The following MIPEP variants were observed in gnomAD, a reference collection of about 807,000 sequenced individuals.
MIPEP encodes mitochondrial intermediate peptidase.
In MIPEP, 79 loss-of-function variants were observed where a neutral mutation model predicts 90.3. That is an observed-to-expected ratio of 0.87 (90% CI 0.73 to 1.05). MIPEP has a LOEUF of 1.05. MIPEP is among the 50% of genes least tolerant of loss of function. MIPEP has a pLI of 0.00. For missense variants in MIPEP, 940 were observed against 905.6 expected (o/e 1.04, Z -0.49); for synonymous variants, 334 against 315.8 (o/e 1.06, Z -0.61).
rs532461699 is a variant in MIPEP, at chr13:23,869,521, A to T, written c.787-73T>A. 3.0e-6 allele frequency: 4 copies of T among 1,323,236 alleles called. No homozygotes were observed. The Admixed American group carries it at 7.9e-5, about 26-fold the overall frequency. 82.0% of individuals were successfully genotyped at this position (1,323,236 alleles called of 1,614,324 possible). A position where few individuals can be genotyped will look rare whatever the true frequency, so the allele number is the denominator to read the frequency against. Reference sequence around the variant, plus strand: ...TCCTATGCAACAATAACACAGGCTCATGCTCACCACTTGATCTGCAGATGA... The same window carrying T: ...TCCTATGCAACAATAACACAGGCTCTTGCTCACCACTTGATCTGCAGATGA... On this transcript the variant is annotated intron_variant, in intron 6 of 18. Coordinates refer to ENST00000382172, the MANE Select transcript of MIPEP (RefSeq NM_005932.4).
Position 23,736,636 on chromosome 13 carries a change from C to T in MIPEP, c.2045-6191G>A, listed in dbSNP as rs980102930. On this transcript the variant is annotated intron_variant, in intron 18 of 18. Transcript: ENST00000382172. ...CTGCGGCTTTCCAGTCCTCTTCTTC[C>T]GAGTGACTGCAGACATACAGCTGGA... Among the ~76,000 whole-genome samples, 3 of 152,116 alleles carry T rather than the reference C, an allele frequency of 2.0e-5. No homozygotes were observed. The East Asian group carries it at 5.8e-4, about 29-fold the overall frequency.
At chr13:23,783,946 A>G (rs1052484417) in intron 16 of MIPEP, among the ~76,000 whole-genome samples, 11 of 152,204 alleles carry the variant, frequency 7.2e-5, no homozygotes, top group Admixed American at 5.9e-4. Context: ...TCGAGGAAAT[A>G]AAAGAGGATA....
At chr13:23,844,978 C>G (rs1869468469) in intron 10 of MIPEP, among the ~76,000 whole-genome samples, 2 of 152,158 alleles carry the variant, frequency 1.3e-5, no homozygotes, top group South Asian at 2.1e-4. Context: ...TGTCTTGTCC[C>G]CTGGCTCACT....
At chr13:23,770,176 T>A (rs1952633594) in intron 16 of MIPEP, among the ~76,000 whole-genome samples, 1 of 152,186 alleles carries the variant, frequency 6.6e-6, no homozygotes, top group African/African-American at 2.4e-5. Context: ...AGCAGAACCC[T>A]GGAATGGCTT....
intron 18 of MIPEP, among the ~76,000 whole-genome samples, chr13:23,741,785 A>G (rs1305035209): frequency 6.6e-6 from 1 of 152,064 alleles, no homozygotes; most frequent in Non-Finnish European, 1.5e-5. Context: ...TTACCTATAT[A>G]ACAAACCTGC....
intron 18 of MIPEP, among the ~76,000 whole-genome samples, chr13:23,751,835 A>G (rs1952444615): frequency 2.0e-5 from 3 of 152,094 alleles, no homozygotes; most frequent in Non-Finnish European, 2.9e-5. Flanking sequence ...AGTCTAAAGG[A>G]GCTCACAGGA....
intron 16 of MIPEP, among the ~76,000 whole-genome samples, chr13:23,797,001 GT>G (rs1221269307): frequency 1.3e-5 from 2 of 152,218 alleles, no homozygotes; most frequent in African/African-American, 4.8e-5. Flanking sequence ...TACAGCCAAT[GT>G]AACCCTAAAA....
rs1362179989 is a variant in MIPEP at position 23,824,659 on chromosome 13, A to T, written c.1653+11581T>A. 2.0e-5 allele frequency among the ~76,000 whole-genome samples: 3 copies of T among 152,224 alleles called. No individual in the cohort carries two copies. The East Asian group carries it at 5.8e-4, about 29-fold the overall frequency. On this transcript the variant is annotated intron_variant, in intron 14 of 18. Transcript: ENST00000382172. ...TATAATGGAAAAACAACTGGATTGC[A>T]TGTCTCAACTAGCTTGTTTTGATAT...
Position 23,889,256 on chromosome 13 carries a change from G to GC in MIPEP, c.64dup (p.Ala22GlyfsTer49). On this transcript the variant is annotated frameshift_variant, in exon 1 of 19. Transcript: ENST00000382172. LOFTEE classifies it high-confidence loss of function. ...CCCGGCTTCGAGGCTTCCCCGGCCC[G>GC]CCCGGCGGGGCGGCAGAGCTGCTGC... 1 of 1,386,292 alleles carries GC rather than the reference G, an allele frequency of 7.2e-7. No homozygotes were observed. Among genetic ancestry groups the GC allele is most frequent in the East Asian group, 3.1e-5 (1 of 32,528 alleles). The allele number at this position is 1,386,292 out of a possible 1,614,324, so 85.9% of individuals were successfully genotyped here. A position where few individuals can be genotyped will look rare whatever the true frequency, so the allele number is the denominator to read the frequency against.
At chr13:23,863,417 G>C (rs1027503674) in intron 8 of MIPEP, among the ~76,000 whole-genome samples, 1 of 150,854 alleles carries the variant, frequency 6.6e-6, no homozygotes, top group African/African-American at 2.4e-5. Context: ...AATTCCACAT[G>C]TGATGTCATG....
At chr13:23,841,618 T>A in intron 10 of MIPEP, 130 bp from the exon 11 acceptor site, 1 of 1,012,530 alleles carries the variant, frequency 9.9e-7, no homozygotes, top group Non-Finnish European at 1.4e-6. Flanking sequence ...AAAAGTGTAT[T>A]TATATCATTT....
intron 12 of MIPEP, 58 bp downstream of exon 12, chr13:23,839,591 C>T: frequency 7.1e-6 from 8 of 1,130,870 alleles, no homozygotes; most frequent in Non-Finnish European, 1.0e-5. Context: ...AAGTTCACAT[C>T]AATACAAATG....
At position 23,875,027 on chromosome 13, in the gene MIPEP, AAC is replaced by A. The variant is rs10595689; in HGVS notation, c.540-120_540-119del. 0.032 allele frequency: 12,737 copies of A among 400,750 alleles called. 197 individuals are homozygous for A. Among genetic ancestry groups the A allele is most frequent in the African/African-American group, 0.09 (4,202 of 46,918 alleles). 24.8% of individuals were successfully genotyped at this position (400,750 alleles called of 1,614,324 possible). On this transcript the variant is annotated intron_variant, in intron 4 of 18. Coordinates refer to ENST00000382172, the MANE Select transcript of MIPEP (RefSeq NM_005932.4). ...GCCTCACTGCCAAAAGTTTCTTCAAAACACACACACACACACACACACACACA... is the reference window on the plus strand; with the variant it reads ...GCCTCACTGCCAAAAGTTTCTTCAAAACACACACACACACACACACACACA...
intron 18 of MIPEP, among the ~76,000 whole-genome samples, chr13:23,734,480 A>G (rs1415488293): frequency 1.3e-5 from 2 of 152,206 alleles, no homozygotes; most frequent in Non-Finnish European, 2.9e-5. Context: ...GCCTTTAATA[A>G]TTGAGTAAGG....
chr13:23,751,464 T>C (rs1240012237), intron 18 of MIPEP, among the ~76,000 whole-genome samples: 1 of 152,258 alleles, frequency 6.6e-6, no homozygotes, highest in African/African-American at 2.4e-5. Flanking sequence ...TTTCTTTCCA[T>C]CTGATCTGAT....
intron 14 of MIPEP, among the ~76,000 whole-genome samples, chr13:23,814,578 T>C (rs374249562): frequency 2.2e-4 from 34 of 152,260 alleles, no homozygotes; most frequent in African/African-American, 7.9e-4. Context: ...TATTAAAAAT[T>C]AAAAAGAATC....
chr13:23,824,724 A>G (rs1030429954), intron 14 of MIPEP, among the ~76,000 whole-genome samples: 8 of 152,222 alleles, frequency 5.3e-5, no homozygotes, highest in African/African-American at 1.9e-4. Context: ...TAAAATAAAA[A>G]TGTTGGCTAG....
chr13:23,762,301 A>G (rs567485834), intron 16 of MIPEP, among the ~76,000 whole-genome samples: 52 of 152,334 alleles, frequency 3.4e-4, no homozygotes, highest in African/African-American at 1.2e-3. Flanking sequence ...TCTAGTTAAC[A>G]TATCAAGGAA....
At chr13:23,770,656 G>A (rs12870497) in intron 16 of MIPEP, among the ~76,000 whole-genome samples, 105,957 of 151,800 alleles carry the variant, frequency 0.7, 39,621 homozygotes, top group Non-Finnish European at 0.83. Flanking sequence ...TTGGGCTGGA[G>A]TCCTCACCTT....
Sources: allele counts gnomAD v4.1 joint callset (sites outside exome capture counted in the v4.1 genomes callset), GRCh38; gene constraint gnomAD v4.1.1; transcripts MANE v1.5; gene names NCBI Gene and HGNC (gene_info 2026-07-23, HGNC 2026-07-21).